CRYBG3: variants seen among roughly 807,000 people sequenced by gnomAD.
CRYBG3 encodes crystallin beta-gamma domain containing 3.
In CRYBG3, 127 loss-of-function variants were observed where a neutral mutation model predicts 244.2. The ratio of observed to expected loss-of-function variants is 0.52; its 90% CI spans 0.45 to 0.60. The LOEUF (loss-of-function observed/expected upper bound fraction) is 0.60. Among genes scored for constraint, CRYBG3 ranks in the 20% least tolerant of loss-of-function variants. The pLI is 0.00. For missense variants in CRYBG3, 3,325 were observed against 3,442.5 expected, an observed-to-expected ratio of 0.97 and a Z score of 0.85; for synonymous variants, 1,132 against 1,195.8, an observed-to-expected ratio of 0.95 and a Z score of 1.10.
intron 17 of CRYBG3, among the ~76,000 whole-genome samples, chr3:97,920,639 C>T (rs914446049): frequency 6.6e-6 from 1 of 152,124 alleles, no homozygotes; most frequent in Non-Finnish European, 1.5e-5. Flanking sequence ...AAGGAATTCT[C>T]ATGCCTCAGC....
rs1231542382 is a variant in CRYBG3, at chr3:97,879,715, A to C, written c.6855A>C (p.Lys2285Asn). 1 of 1,603,668 alleles carries C rather than the reference A, an allele frequency of 6.2e-7. No homozygotes were observed. The highest frequency in any genetic ancestry group is 1.7e-5 in the Admixed American group (1 of 58,504). ...TTTTATTATTTCAGAATGTTGACAA[A>C]CAAACTCTGAGATGTAACCCAAGAC... ...RLSPFIENVD[K>N]QTLRCNPRPG... The change falls in exon 5 of 22, where the codon AAA (lysine) becomes AAC (asparagine). Residue 2285 changes from lysine (K) to asparagine (N), a missense_variant. Around this residue, in one of 4 missense-constraint regions of CRYBG3, gnomAD observed 450 missense variants for 424.1 expected, o/e 1.06. Transcript: ENST00000389622.
intron 15 of CRYBG3, among the ~76,000 whole-genome samples, chr3:97,910,617 T>C (rs927063097): frequency 6.6e-6 from 1 of 152,172 alleles, no homozygotes; most frequent in Non-Finnish European, 1.5e-5. Context: ...TCGCGCACGG[T>C]GCACGCACCC....
In CRYBG3 at chr3:97,943,320, T is replaced by G. The variant is rs1443779196; in HGVS notation, c.*6T>G. ...GGGACATTGAAATATTGTGAGAGAATCAACATCCCTAGAAAGATCCCTAGA... is the reference window on the plus strand; with the variant it reads ...GGGACATTGAAATATTGTGAGAGAAGCAACATCCCTAGAAAGATCCCTAGA... On this transcript the variant is annotated 3_prime_UTR_variant, in exon 22 of 22. Coordinates refer to ENST00000389622, the MANE Select transcript of CRYBG3 (RefSeq NM_153605.4). 1 of 1,479,958 alleles carries G rather than the reference T, an allele frequency of 6.8e-7. No homozygotes were observed. Among genetic ancestry groups the G allele is most frequent in the African/African-American group, 1.4e-5 (1 of 71,740 alleles). The allele number at this position is 1,479,958 out of a possible 1,614,324, so 91.7% of individuals were successfully genotyped here.
At position 97,880,902 on chromosome 3, in the gene CRYBG3, C is replaced by T. The variant is rs555908728; in HGVS notation, c.7005-170C>T. ...GCACTTTTATTTTTTCTTTACTGTT[C>T]GCCTGTACTTAAATTAGCATATATC... On this transcript the variant is annotated intron_variant, in intron 6 of 21. Coordinates refer to ENST00000389622, the MANE Select transcript of CRYBG3 (RefSeq NM_153605.4). 1.1e-3 allele frequency among the ~76,000 whole-genome samples: 163 copies of T among 151,946 alleles called. 2 individuals are homozygous for T. The South Asian group carries it at 0.014, about 13-fold the overall frequency.
intron 17 of CRYBG3, among the ~76,000 whole-genome samples, chr3:97,925,958 G>A (rs2040036644): frequency 6.6e-6 from 1 of 151,976 alleles, no homozygotes. Flanking sequence ...ATAGTTTACT[G>A]GTGAAGAGTT....
Position 97,872,389 on chromosome 3 carries a change from C to G in CRYBG3, c.1195C>G (p.Gln399Glu), listed in dbSNP as rs2039315683. 2 of 1,535,710 alleles carry G rather than the reference C, an allele frequency of 1.3e-6. No homozygotes were observed. Among genetic ancestry groups the G allele is most frequent in the Non-Finnish European group, 8.7e-7 (1 of 1,146,786 alleles). The change falls in exon 4 of 22, where the codon CAG (glutamine) becomes GAG (glutamate). Residue 399 changes from glutamine to glutamate, a missense_variant. By Grantham distance (29) the Gln-to-Glu change is conservative. This residue lies in a region of CRYBG3 where 1,526 missense variants were observed against 1,443.2 expected (regional missense o/e 1.06). Coordinates refer to ENST00000389622, the MANE Select transcript of CRYBG3 (RefSeq NM_153605.4). ...HRKVPCSPDF[Q>E]RVTTTENTIK... ...CAAAGTCCCTTGCAGCCCAGATTTT[C>G]AGAGAGTAACTACAACAGAAAATAC...
At chr3:97,897,099 G>C (rs2039648095) in intron 12 of CRYBG3, among the ~76,000 whole-genome samples, 1 of 151,438 alleles carries the variant, frequency 6.6e-6, no homozygotes, top group Non-Finnish European at 1.5e-5. Flanking sequence ...TTTTTCCTTA[G>C]TTCTATACTA....
In CRYBG3 at chr3:97,822,286, A is replaced by C; in HGVS notation, c.80A>C (p.Asp27Ala). The change falls in exon 1 of 22, where the codon GAC becomes GCC. Residue 27 changes from aspartate (D) to alanine (A), a missense_variant. By Grantham distance (126) the Asp-to-Ala change is moderately radical. This residue lies in a region of CRYBG3 where 1,526 missense variants were observed against 1,443.2 expected (regional missense o/e 1.06). Coordinates refer to ENST00000389622, the MANE Select transcript of CRYBG3 (RefSeq NM_153605.4). ...RFFAPRSPSR[D>A]KEEEEEERPG... ...TTCGCTCCCCGAAGTCCTTCCCGGG[A>C]CAAGGAAGAGGAAGAGGAGGAGAGG... 2.6e-6 allele frequency: 4 copies of C among 1,530,818 alleles called. No individual in the cohort carries two copies. The highest frequency in any genetic ancestry group is 3.5e-6 in the Non-Finnish European group (4 of 1,144,676). 94.8% of individuals were successfully genotyped at this position (1,530,818 alleles called of 1,614,324 possible). A position where few individuals can be genotyped will look rare whatever the true frequency, so the allele number is the denominator to read the frequency against.
chr3:97,907,811 C>G (rs1393362014), intron 15 of CRYBG3, among the ~76,000 whole-genome samples: 1 of 150,982 alleles, frequency 6.6e-6, no homozygotes, highest in Non-Finnish European at 1.5e-5. Flanking sequence ...TTTGCTCTTG[C>G]TTTTCTAGTT....
Position 97,942,459 on chromosome 3 carries a change from T to TA in CRYBG3, c.8824+17dup, listed in dbSNP as rs1559751547. ...GATGTTAAAGGTGGGCCTTTGATGA[T>TA]ACCCAATGTTGTGTCCCTGGATATT... is the stretch of plus-strand genomic sequence containing the variant. On this transcript the variant is annotated intron_variant, in intron 21 of 21. Coordinates refer to ENST00000389622, the MANE Select transcript of CRYBG3 (RefSeq NM_153605.4). The TA allele has an allele frequency of 6.3e-7, 1 of 1,598,920 alleles. No homozygotes were observed. The highest frequency in any genetic ancestry group is 1.7e-5 in the Admixed American group (1 of 59,260).
At chr3:97,905,709 A>C (rs1234456551) in intron 15 of CRYBG3, among the ~76,000 whole-genome samples, 4 of 134,898 alleles carry the variant, frequency 3.0e-5, no homozygotes, top group Non-Finnish European at 6.5e-5. Context: ...GTTCACTCTG[A>C]TGGTAGTTTC....
intron 7 of CRYBG3, among the ~76,000 whole-genome samples, chr3:97,883,481 A>ACC (rs201654103): frequency 6.6e-6 from 1 of 151,348 alleles, no homozygotes; most frequent in Non-Finnish European, 1.5e-5. Context: ...CACCTCTCTC[A>ACC]CCCCCCCCAC....
chr3:97,852,475 C>T (rs1478127146), intron 2 of CRYBG3, among the ~76,000 whole-genome samples: 1 of 152,020 alleles, frequency 6.6e-6, no homozygotes, highest in Non-Finnish European at 1.5e-5. Flanking sequence ...ATTGTCTGGA[C>T]TTAGGAAGTG....
chr3:97,889,339 A>C lies in CRYBG3; in HGVS notation c.7405-16A>C. 2 of 1,588,190 alleles carry C rather than the reference A, an allele frequency of 1.3e-6. No individual in the cohort carries two copies. Among genetic ancestry groups the C allele is most frequent in the Non-Finnish European group, 1.7e-6 (2 of 1,156,798 alleles). The stretch of plus-strand genomic sequence containing the variant: ...ATATTTACCTGTCTAATATTAAACT[A>C]TCTTGTCATCTTAAGGGTGGACTGA... On this transcript the variant is annotated splice_polypyrimidine_tract_variant and intron_variant, in intron 9 of 21. Transcript: ENST00000389622.
In CRYBG3 at chr3:97,878,149, G is replaced by T; in HGVS notation, c.6843+112G>T. The T allele has an allele frequency of 3.1e-6, 3 of 982,864 alleles. No homozygotes were observed. In the South Asian group the frequency reaches 5.3e-5, roughly 17 times the overall value. 60.9% of individuals were successfully genotyped at this position (982,864 alleles called of 1,614,324 possible). Reference sequence around the variant, plus strand: ...GTTTTGGCCAAGCATGGTGGCTCATGCCTGTAATCCTGGCACTTTGGGAGG... The same window carrying T: ...GTTTTGGCCAAGCATGGTGGCTCATTCCTGTAATCCTGGCACTTTGGGAGG... On this transcript the variant is annotated intron_variant, in intron 4 of 21. Coordinates refer to ENST00000389622, the MANE Select transcript of CRYBG3 (RefSeq NM_153605.4).
rs2039192449 is a variant in CRYBG3 at position 97,864,244 on chromosome 3, C to A, written c.244C>A (p.His82Asn). The change falls in exon 3 of 22, where the codon CAT becomes AAT. Residue 82 changes from histidine (H) to asparagine (N), a missense_variant. His to Asn is a moderately conservative substitution (Grantham distance 68, BLOSUM62 1). Transcript: ENST00000389622. ...TCGCCAAAGTGAGGACAAAAGGAAC[C>A]ATGCTGAGAAGCCAGTCACTCTTCC... ...KIRQSEDKRN[H>N]AEKPVTLPVQ... 6.6e-7 allele frequency: 1 copy of A among 1,511,208 alleles called. No homozygotes were observed. Among genetic ancestry groups the A allele is most frequent in the Non-Finnish European group, 8.8e-7 (1 of 1,138,398 alleles). The allele number at this position is 1,511,208 out of a possible 1,614,324, so 93.6% of individuals were successfully genotyped here. A position where few individuals can be genotyped will look rare whatever the true frequency, so the allele number is the denominator to read the frequency against.
At chr3:97,886,518 T>A in intron 7 of CRYBG3, 113 bp from the exon 8 acceptor site, 1 of 743,980 alleles carries the variant, frequency 1.3e-6, no homozygotes, top group South Asian at 4.9e-5. Context: ...GTTTTCTTTG[T>A]GAAGAAATTC....
intron 16 of CRYBG3, among the ~76,000 whole-genome samples, chr3:97,913,845 G>A (rs1379771111): frequency 1.3e-5 from 2 of 152,136 alleles, no homozygotes; most frequent in Non-Finnish European, 2.9e-5. Context: ...AAGATTTTAC[G>A]ACTTGGAGAA....
intron 2 of CRYBG3, among the ~76,000 whole-genome samples, chr3:97,861,737 A>G (rs1323098732): frequency 6.6e-6 from 1 of 152,246 alleles, no homozygotes; most frequent in South Asian, 2.1e-4. Context: ...CTGTTGGCAG[A>G]CAGATATAGG....
Sources: gnomAD v4.1 joint callset for allele counts (sites outside exome capture counted in the v4.1 genomes callset) on GRCh38, gnomAD v4.1.1 for gene constraint, gnomAD v4.1.1 regional missense constraint, MANE v1.5 for transcripts, NCBI Gene and HGNC (gene_info 2026-07-23, HGNC 2026-07-21) for gene names.